The following ESRRG variants were observed in gnomAD, a reference collection of about 807,000 sequenced individuals.
ESRRG encodes the protein estrogen related receptor gamma.
A neutral mutation model predicts 44.0 loss-of-function variants in ESRRG; 13 were observed. That is an observed-to-expected ratio of 0.30 (90% CI 0.19 to 0.47). The LOEUF (loss-of-function observed/expected upper bound fraction) is 0.47, where lower values mean the gene tolerates loss of function less well. Among genes scored for constraint, ESRRG ranks in the 20% least tolerant of loss-of-function variants. The probability of loss-of-function intolerance (pLI) is 1.00; values close to 1 mark genes in which losing one functional copy is unlikely to be tolerated. For missense variants in ESRRG, 395 were observed against 580.6 expected (o/e 0.68, Z 3.29); for synonymous variants, 215 against 214.6 (o/e 1.00, Z -0.02).
chr1:216,815,508 G>C (rs2095105358), intron 2 of ESRRG, among the ~76,000 whole-genome samples: 1 of 152,116 alleles, frequency 6.6e-6, no homozygotes, highest in South Asian at 2.1e-4. Flanking sequence ...AAAATTTCCA[G>C]AATAGTGGCC....
At chr1:217,038,519 G>A (rs764191914) in intron 1 of ESRRG, among the ~76,000 whole-genome samples, 1 of 152,186 alleles carries the variant, frequency 6.6e-6, no homozygotes, top group Non-Finnish European at 1.5e-5. Flanking sequence ...AACCTGCCAA[G>A]GTTTGGGGTT....
intron 1 of ESRRG, among the ~76,000 whole-genome samples, chr1:216,999,893 C>A (rs910398745): frequency 2.6e-5 from 4 of 152,086 alleles, no homozygotes; most frequent in Non-Finnish European, 5.9e-5. Context: ...ATGACTATTC[C>A]CATGTTTGTT....
chr1:216,655,174 G>T (rs2070137917), intron 2 of ESRRG, among the ~76,000 whole-genome samples: 1 of 152,174 alleles, frequency 6.6e-6, no homozygotes, highest in African/African-American at 2.4e-5. Context: ...AAGTCTTAAA[G>T]TAGAACCTCT....
At chr1:216,628,561 TTTGA>T (rs1396314051) in intron 3 of ESRRG, among the ~76,000 whole-genome samples, 10 of 152,170 alleles carry the variant, frequency 6.6e-5, no homozygotes, top group Non-Finnish European at 1.3e-4. Context: ...TATTTTTAAA[TTTGA>T]TTGGGGACAG....
At chr1:216,919,015 ATAATACT>A (rs1215531217) in intron 2 of ESRRG, among the ~76,000 whole-genome samples, 1 of 152,070 alleles carries the variant, frequency 6.6e-6, no homozygotes, top group Admixed American at 6.6e-5. Context: ...AATATTAATG[ATAATACT>A]TAATATCTGG....
At chr1:217,048,379 G>A (rs769639073) in intron 1 of ESRRG, among the ~76,000 whole-genome samples, 5 of 152,272 alleles carry the variant, frequency 3.3e-5, no homozygotes, top group Middle Eastern at 3.4e-3. Context: ...CAGGTGCAAC[G>A]AGGCAGCAGA....
chr1:216,991,325 A>C (rs1016229169), intron 1 of ESRRG, among the ~76,000 whole-genome samples: 1 of 152,138 alleles, frequency 6.6e-6, no homozygotes, highest in Admixed American at 6.6e-5. Context: ...CTGATGTCAC[A>C]GGATTTTTCC....
Position 216,744,484 on chromosome 1 carries a change from G to GCACACACA in ESRRG, c.-13-67001_-13-66994dup, listed in dbSNP as rs57621941. Among the ~76,000 whole-genome samples the GCACACACA allele has an allele frequency of 9.4e-5, 14 of 149,610 alleles. No individual in the cohort carries two copies. In the South Asian group the frequency reaches 1.1e-3, roughly 11 times the overall value. On this transcript the variant is annotated intron_variant, in intron 2 of 7. Transcript: ENST00000359162. Reference sequence around the variant, plus strand: ...CACTTGAATATGTGCACACAGACATGCACACACACACACACACACACACAC... The same window carrying GCACACACA: ...CACTTGAATATGTGCACACAGACATGCACACACACACACACACACACACACACACACAC...
chr1:216,886,872 T>A (rs1168450729), intron 2 of ESRRG, among the ~76,000 whole-genome samples: 1 of 152,046 alleles, frequency 6.6e-6, no homozygotes, highest in Non-Finnish European at 1.5e-5. Context: ...TACGGGCGTG[T>A]AACACCATGC....
At chr1:217,078,394 C>T (rs2091489568) in intron 1 of ESRRG, 1 of 152,246 alleles carries the variant, frequency 6.6e-6, no homozygotes, top group African/African-American at 2.4e-5. Flanking sequence ...ATTTGCAGCC[C>T]TGCAGAAAGG....
At chr1:216,954,723 G>A (rs1020135053) in intron 1 of ESRRG, among the ~76,000 whole-genome samples, 4 of 152,114 alleles carry the variant, frequency 2.6e-5, no homozygotes, top group African/African-American at 7.2e-5. Flanking sequence ...TATGGTTCAC[G>A]TTAATATATA....
chr1:216,767,376 C>T (rs773136794), intron 2 of ESRRG, among the ~76,000 whole-genome samples: 2 of 152,026 alleles, frequency 1.3e-5, no homozygotes, highest in African/African-American at 4.8e-5. Context: ...TTTGAGCCTA[C>T]GGACTCAAAT....
At chr1:216,614,456 A>C (rs2061132298) in intron 3 of ESRRG, among the ~76,000 whole-genome samples, 1 of 152,130 alleles carries the variant, frequency 6.6e-6, no homozygotes, top group Non-Finnish European at 1.5e-5. Context: ...ATGGTAGCTG[A>C]ATATATATCT....
chr1:216,728,776 C>T (rs1170811211), intron 2 of ESRRG, among the ~76,000 whole-genome samples: 6 of 150,604 alleles, frequency 4.0e-5, no homozygotes, highest in African/African-American at 9.7e-5. Context: ...TCCTTTTGTC[C>T]GAATTTTCAA....
chr1:216,848,279 G>A (rs1446817967), intron 2 of ESRRG, among the ~76,000 whole-genome samples: 1 of 152,088 alleles, frequency 6.6e-6, no homozygotes, highest in Non-Finnish European at 1.5e-5. Context: ...ATGCAGCCCT[G>A]GGAAGAGACA....
At chr1:216,511,398 T>C (rs1353515372) in intron 6 of ESRRG, among the ~76,000 whole-genome samples, 1 of 151,922 alleles carries the variant, frequency 6.6e-6, no homozygotes, top group Non-Finnish European at 1.5e-5. Flanking sequence ...TTAACAGAGA[T>C]GGTAGAATTT....
At chr1:217,072,697 T>C (rs567930321) in intron 1 of ESRRG, among the ~76,000 whole-genome samples, 40 of 136,600 alleles carry the variant, frequency 2.9e-4, no homozygotes, top group Non-Finnish European at 5.6e-4. Context: ...TTTTCTAAAC[T>C]GGGGGTGTGT....
rs11572403 is a variant in ESRRG at position 217,056,825 on chromosome 1, G to T, written c.-106+32682C>A. 9.8e-3 allele frequency among the ~76,000 whole-genome samples: 1,482 copies of T among 151,846 alleles called. 20 individuals carry two copies. The highest frequency in any genetic ancestry group is 0.034 in the African/African-American group (1,423 of 41,386). ...CAGTTAATGGGGCAAACCACCAACT[G>T]CCAGAAATTCTGCATGGAATCAGCA... On this transcript the variant is annotated intron_variant, in intron 1 of 7. Coordinates refer to the ESRRG transcript ENST00000359162.
intron 2 of ESRRG, among the ~76,000 whole-genome samples, chr1:216,901,104 A>T (rs2059017839): frequency 6.6e-6 from 1 of 151,996 alleles, no homozygotes. Flanking sequence ...ACATGATTGG[A>T]ATTGAAAAAC....
Sources: allele counts gnomAD v4.1 joint callset (sites outside exome capture counted in the v4.1 genomes callset), GRCh38; gene constraint gnomAD v4.1.1; transcripts MANE v1.5; gene names NCBI Gene and HGNC (gene_info 2026-07-23, HGNC 2026-07-21).